TASOR2: variants seen among roughly 807,000 people sequenced by gnomAD.
TASOR2 encodes protein TASOR 2.
Under a neutral mutation model 199.5 loss-of-function variants are expected in TASOR2, and 84 were observed. The observed-to-expected ratio is 0.42, with a 90% CI of 0.35 to 0.50. TASOR2 has a LOEUF of 0.50. Ranked by LOEUF, TASOR2 falls within the 20% of genes least tolerant of loss-of-function variation. TASOR2 has a pLI of 0.02. For synonymous variants in TASOR2, 1,103 were observed against 1,046.6 expected (o/e 1.05, Z -1.04); for missense variants, 2,796 against 2,835.9 (o/e 0.99, Z 0.32).
At chr10:5,739,513 A>G (rs1056312695) in intron 12 of TASOR2, 105 bp from the exon 14 acceptor site, 41 of 1,089,598 alleles carry the variant, frequency 3.8e-5, no homozygotes, top group South Asian at 2.7e-4. Context: ...TATATGTTAC[A>G]TAAGTTTTTC....
chr10:5,749,513 C>T (rs1244128322), exon 15 of TASOR2: 1 of 1,614,064 alleles, frequency 6.2e-7, no homozygotes, highest in Admixed American at 1.7e-5. Flanking sequence ...TTTCTGCATC[C>T]TGCACCTAGG....
intron 1 of TASOR2, among the ~76,000 whole-genome samples, chr10:5,704,205 CA>C (rs1296634507): frequency 7.1e-6 from 1 of 140,302 alleles, no homozygotes; most frequent in Non-Finnish European, 1.5e-5. Flanking sequence ...GCCTGGGTGA[CA>C]GAGTGAGACT....
Position 5,740,207 on chromosome 10 carries a change from C to T in TASOR2, c.2037C>T (p.Pro679=). 2 of 1,614,196 alleles carry T rather than the reference C, an allele frequency of 1.2e-6. No homozygotes were observed. The highest frequency in any genetic ancestry group is 2.2e-5 in the South Asian group (2 of 91,074). Residue 679 remains proline (P), a synonymous_variant, in exon 13 of 21, where the codon CCC becomes CCT. Transcript: ENST00000328090. The surrounding 1 kb of genome is among the most constrained non-coding windows in gnomAD (Gnocchi z 5.3). ...GAGAGATACTAAGCCCTCTGTTTCC[C>T]AGGAATGGGACAAAAAGCCCTGAAG... is the stretch of plus-strand genomic sequence containing the variant.
At chr10:5,744,239 A>G (rs1160875163) in intron 14 of TASOR2, among the ~76,000 whole-genome samples, 1 of 152,152 alleles carries the variant, frequency 6.6e-6, no homozygotes, top group Non-Finnish European at 1.5e-5. Context: ...GACTTTTCTA[A>G]TACTTTGTTC....
chr10:5,712,259 G>T, intron 1 of TASOR2: 1 of 562,820 alleles, frequency 1.8e-6, no homozygotes, highest in Non-Finnish European at 2.6e-6. Flanking sequence ...TTTAAATTTT[G>T]TTAAGACAGT....
rs1171279322 is a variant in TASOR2 at position 5,737,726 on chromosome 10, A to G, written c.1448-1892A>G. 6.6e-6 allele frequency among the ~76,000 whole-genome samples: 1 copy of G among 152,214 alleles called. No individual in the cohort carries two copies. Among genetic ancestry groups the G allele is most frequent in the Non-Finnish European group, 1.5e-5 (1 of 68,042 alleles). On this transcript the variant is annotated intron_variant, in intron 12 of 20. Coordinates refer to ENST00000328090, the Ensembl canonical transcript of TASOR2. The surrounding 1 kb of genome is among the most constrained non-coding windows in gnomAD (Gnocchi z 4.9). ...GGTCCAATCTTTCCAATTTGTAAACATGAGAATAGGTAACATCTTGTGTTC... is the reference window on the plus strand; with the variant it reads ...GGTCCAATCTTTCCAATTTGTAAACGTGAGAATAGGTAACATCTTGTGTTC...
rs748464986 is a variant in TASOR2, at chr10:5,754,834, G to C, written c.6607-1779G>C. Among the ~76,000 whole-genome samples, 42 of 151,366 alleles carry C rather than the reference G, an allele frequency of 2.8e-4. No homozygotes were observed. Among genetic ancestry groups the C allele is most frequent in the Non-Finnish European group, 5.6e-4 (38 of 67,822 alleles). The stretch of plus-strand genomic sequence containing the variant: ...CGAGGTGGGCGGATCACAAGGTCAG[G>C]AGATTGAGACCTTCCTGGCTAACAC... On this transcript the variant is annotated intron_variant, in intron 15 of 20. Coordinates refer to ENST00000328090, the Ensembl canonical transcript of TASOR2. The surrounding 1 kb of genome is among the most constrained non-coding windows in gnomAD (Gnocchi z 4.3).
At chr10:5,758,901 A>C in exon 18 of TASOR2, 1 of 1,613,086 alleles carries the variant, frequency 6.2e-7, no homozygotes, top group South Asian at 1.1e-5. Context: ...ACTGAAGGAA[A>C]TTATCAAAAT....
At chr10:5,762,860 T>C (rs1840099135) in intron 20 of TASOR2, 169 bp from the exon 22 acceptor site, 4 of 654,718 alleles carry the variant, frequency 6.1e-6, no homozygotes, top group Non-Finnish European at 1.0e-5. Context: ...TAAAATTACC[T>C]ATTTTATCTA....
intron 1 of TASOR2, among the ~76,000 whole-genome samples, chr10:5,703,590 G>A (rs376273941): frequency 3.7e-5 from 5 of 134,180 alleles, no homozygotes; most frequent in African/African-American, 1.1e-4. Flanking sequence ...TGCAAGCTCC[G>A]CCTCCCGGGT....
intron 1 of TASOR2, among the ~76,000 whole-genome samples, chr10:5,708,672 C>A (rs1319012588): frequency 8.4e-6 from 1 of 118,650 alleles, no homozygotes; most frequent in African/African-American, 3.2e-5. Flanking sequence ...TTCCTTTCTT[C>A]CTTCCTTCCT....
rs1836243979 is a variant in TASOR2 at position 5,689,978 on chromosome 10, C to G, written c.-288+4803C>G. 6.6e-6 allele frequency among the ~76,000 whole-genome samples: 1 copy of G among 151,986 alleles called. No homozygotes were observed. The highest frequency in any genetic ancestry group is 6.5e-5 in the Admixed American group (1 of 15,272). ...TCATTATTGGTTTATTTAAATGTTT[C>G]TTCCATTTAGACCAATGTTGGTAAA... On this transcript the variant is annotated intron_variant, in intron 1 of 20. Coordinates refer to ENST00000328090, the Ensembl canonical transcript of TASOR2. The surrounding 1 kb of genome is among the most constrained non-coding windows in gnomAD (Gnocchi z 4.1).
chr10:5,726,086 T>C (rs892820975), intron 8 of TASOR2, among the ~76,000 whole-genome samples: 1 of 152,250 alleles, frequency 6.6e-6, no homozygotes, highest in Non-Finnish European at 1.5e-5. Context: ...TGGTATATTT[T>C]ATTTAGGTGG....
In TASOR2 at chr10:5,750,099, T is replaced by C. The variant is rs141909733; in HGVS notation, c.6606+72T>C. On this transcript the variant is annotated intron_variant, in intron 15 of 20. Transcript: ENST00000328090. This position sits in a 1 kb window ranked among gnomAD's most constrained non-coding sequence, Gnocchi z 5.4. ...AGTTTTAGAAATAATAAATTTAGCA[T>C]ATTAGCCATCAAAAAGAAATCATGG... The C allele has an allele frequency of 3.5e-3, 5,108 of 1,448,716 alleles. 21 individuals carry two copies. Among genetic ancestry groups the C allele is most frequent in the Non-Finnish European group, 4.2e-3 (4,561 of 1,091,064 alleles). 89.7% of individuals were successfully genotyped at this position (1,448,716 alleles called of 1,614,324 possible). A position where few individuals can be genotyped will look rare whatever the true frequency, so the allele number is the denominator to read the frequency against.
chr10:5,715,574 G>C (rs2131557115), intron 2 of TASOR2, among the ~76,000 whole-genome samples: 1 of 152,018 alleles, frequency 6.6e-6, no homozygotes, highest in East Asian at 1.9e-4. Flanking sequence ...TTTTATGATT[G>C]AATAATACAG....
exon 15 of TASOR2, chr10:5,746,646 T>C: frequency 2.5e-6 from 4 of 1,614,144 alleles, no homozygotes; most frequent in Non-Finnish European, 3.4e-6. Context: ...CTGATGAACG[T>C]ACAACCTTTA....
At chr10:5,715,627 T>C (rs960045058) in intron 2 of TASOR2, among the ~76,000 whole-genome samples, 2 of 133,916 alleles carry the variant, frequency 1.5e-5, no homozygotes, top group African/African-American at 3.0e-5. Flanking sequence ...AAGAATTGCA[T>C]TGGTAGGCAG....
rs1834630376 is a variant in TASOR2 at position 5,730,285 on chromosome 10, G to GTGTA, written c.488-197_488-194dup. Among the ~76,000 whole-genome samples the GTGTA allele has an allele frequency of 6.6e-6, 1 of 152,124 alleles. No homozygotes were observed. The highest frequency in any genetic ancestry group is 2.1e-4 in the South Asian group (1 of 4,826). ...GATTCTTTTTCAGTTCAGTGTGTGT[G>GTGTA]TGTATGTAATTTCAAGTATATGGAG... On this transcript the variant is annotated intron_variant, in intron 10 of 20. Coordinates refer to ENST00000328090, the Ensembl canonical transcript of TASOR2. The surrounding 1 kb of genome is among the most constrained non-coding windows in gnomAD (Gnocchi z 4.1).
intron 1 of TASOR2, among the ~76,000 whole-genome samples, chr10:5,691,052 A>G (rs754924949): frequency 3.2e-4 from 49 of 151,554 alleles, no homozygotes; most frequent in Non-Finnish European, 6.5e-4. Flanking sequence ...TTAGCCGGGC[A>G]TGATGGTGCA....
Sources: gnomAD v4.1 joint callset for allele counts (sites outside exome capture counted in the v4.1 genomes callset) on GRCh38, gnomAD v4.1.1 for gene constraint, Gnocchi (gnomAD v3.1) non-coding constraint, MANE v1.5 for transcripts, NCBI Gene and HGNC (gene_info 2026-07-23, HGNC 2026-07-21) for gene names.